KCNH1: variants seen among roughly 807,000 people sequenced by gnomAD.
KCNH1 encodes the protein voltage-gated delayed rectifier potassium channel KCNH1.
Under a neutral mutation model 69.2 loss-of-function variants are expected in KCNH1, and 27 were observed. The observed-to-expected ratio is 0.39, with a 90% CI of 0.29 to 0.54. The LOEUF (loss-of-function observed/expected upper bound fraction) is 0.54, where lower values mean the gene tolerates loss of function less well. Ranked by LOEUF, KCNH1 falls within the 20% of genes least tolerant of loss-of-function variation. KCNH1 has a pLI of 0.68. For missense variants in KCNH1, 798 were observed against 1,261.6 expected (o/e 0.63, Z 5.57); for synonymous variants, 456 against 487.7 (o/e 0.93, Z 0.86).
At chr1:210,880,346 T>A (rs941634412) in intron 7 of KCNH1, among the ~76,000 whole-genome samples, 1 of 152,142 alleles carries the variant, frequency 6.6e-6, no homozygotes, top group Non-Finnish European at 1.5e-5. Context: ...GACTTATTAT[T>A]AAAAGCTACA....
chr1:210,804,173 G>A lies in KCNH1; in HGVS notation c.1463-7C>T. 6.2e-7 allele frequency: 1 copy of A among 1,604,782 alleles called. No homozygotes were observed. On this transcript the variant is annotated splice_polypyrimidine_tract_variant and splice_region_variant and intron_variant, in intron 7 of 10. Coordinates refer to ENST00000271751, the MANE Select transcript of KCNH1 (RefSeq NM_172362.3). ...ATGGTGGCATAGAGAAGTGCTAGAG[G>A]TGAGGAGGAGGAGCAAAAGAAGAAA...
chr1:210,705,038 G>A (rs2149013070), intron 10 of KCNH1, among the ~76,000 whole-genome samples: 2 of 152,290 alleles, frequency 1.3e-5, no homozygotes, highest in South Asian at 4.1e-4. Context: ...AGGAAATGGG[G>A]AGAGGAAGGT....
Position 210,891,507 on chromosome 1 carries a change from T to A in KCNH1, c.1462+28133A>T, listed in dbSNP as rs577925802. ...ATACATATGTAACAAAACTGCACAT[T>A]GTGCACACATACCCTAGAACTTAAA... is the stretch of plus-strand genomic sequence containing the variant. On this transcript the variant is annotated intron_variant, in intron 7 of 10. Transcript: ENST00000271751. Among the ~76,000 whole-genome samples, 340 of 151,760 alleles carry A rather than the reference T, an allele frequency of 2.2e-3. 1 individual carries two copies. The highest frequency in any genetic ancestry group is 7.8e-3 in the African/African-American group (322 of 41,322).
chr1:211,102,564 C>T (rs371694667), intron 3 of KCNH1, among the ~76,000 whole-genome samples: 33 of 152,114 alleles, frequency 2.2e-4, no homozygotes, highest in African/African-American at 6.3e-4. Flanking sequence ...AGACCAGTAT[C>T]GGCACAGACC....
chr1:210,845,352 C>A, intron 7 of KCNH1, among the ~76,000 whole-genome samples: 1 of 152,144 alleles, frequency 6.6e-6, no homozygotes. Flanking sequence ...AAACCAAATC[C>A]AGCAGCACAT....
intron 6 of KCNH1, among the ~76,000 whole-genome samples, chr1:210,940,756 G>C (rs1432914878): frequency 6.6e-6 from 1 of 152,156 alleles, no homozygotes; most frequent in Non-Finnish European, 1.5e-5. Flanking sequence ...AGAGAATCTG[G>C]TTTTATCAAA....
intron 5 of KCNH1, among the ~76,000 whole-genome samples, chr1:211,069,621 C>A (rs1048986904): frequency 6.6e-6 from 1 of 152,056 alleles, no homozygotes; most frequent in Admixed American, 6.5e-5. Context: ...GTAAACTGAA[C>A]ACAGCTGAGG....
chr1:210,739,368 T>A (rs1682962121), intron 10 of KCNH1, among the ~76,000 whole-genome samples: 2 of 152,228 alleles, frequency 1.3e-5, no homozygotes, highest in African/African-American at 4.8e-5. Flanking sequence ...TTGCTCATTG[T>A]CTTAGGACTG....
intron 7 of KCNH1, among the ~76,000 whole-genome samples, chr1:210,811,638 G>A (rs899859902): frequency 2.6e-5 from 4 of 152,164 alleles, no homozygotes; most frequent in African/African-American, 4.8e-5. Context: ...TACAGCAAAA[G>A]CATTATCAAT....
intron 7 of KCNH1, among the ~76,000 whole-genome samples, chr1:210,830,838 TTTGAGAGTGCCATTTAAAAACTCTA>T (rs1434206212): frequency 3.3e-5 from 5 of 152,100 alleles, no homozygotes. Flanking sequence ...TCCCAGGAGG[TTTGAGAGTGCCATTTAAAAACTCTA>T]AAAGACCAAT....
chr1:210,756,371 C>T (rs1683400322), intron 10 of KCNH1, among the ~76,000 whole-genome samples: 1 of 152,138 alleles, frequency 6.6e-6, no homozygotes, highest in Admixed American at 6.5e-5. Context: ...CAAATGTCCT[C>T]CTTTAAAAAT....
intron 7 of KCNH1, among the ~76,000 whole-genome samples, chr1:210,903,207 T>A (rs968205496): frequency 6.6e-6 from 1 of 152,202 alleles, no homozygotes; most frequent in African/African-American, 2.4e-5. Context: ...CACTTCTTCC[T>A]TTGGAAGTCC....
intron 7 of KCNH1, among the ~76,000 whole-genome samples, chr1:210,822,117 A>T (rs943551984): frequency 1.3e-5 from 2 of 151,988 alleles, no homozygotes; most frequent in African/African-American, 4.8e-5. Flanking sequence ...AGACAAAGAG[A>T]TGTGGTATGG....
intron 10 of KCNH1, among the ~76,000 whole-genome samples, chr1:210,757,808 G>A (rs12139273): frequency 0.14 from 20,854 of 152,246 alleles, 1,491 homozygotes; most frequent in Non-Finnish European, 0.16. Context: ...TGAACAAACA[G>A]CAATCATGCA....
chr1:210,832,651 C>G (rs1335995022), intron 7 of KCNH1, among the ~76,000 whole-genome samples: 2 of 152,016 alleles, frequency 1.3e-5, no homozygotes, highest in Non-Finnish European at 1.5e-5. Flanking sequence ...AATAAAACTT[C>G]TAGGTAAACA....
chr1:210,980,114 C>G (rs1337741413), intron 6 of KCNH1, among the ~76,000 whole-genome samples: 1 of 152,098 alleles, frequency 6.6e-6, no homozygotes, highest in Non-Finnish European at 1.5e-5. Context: ...ATTTCATTTA[C>G]CCTTGAAATG....
chr1:211,133,873 A>G lies in KCNH1; in HGVS notation c.73T>C (p.Ser25Pro). ...ATCCGAATGCACCTCTTACCATTGG[A>G]CCGCCGAACAATATTCTCCAGAAAC... is the stretch of plus-strand genomic sequence containing the variant. ...NTFLENIVRR[S>P]NDTNFVLGNA... is the part of the protein sequence containing the mutation. The change falls in exon 1 of 11, where the codon TCC becomes CCC. Residue 25 changes from serine (S) to proline (P), a missense_variant. This residue lies in a region of KCNH1 where 266 missense variants were observed against 457.2 expected (regional missense o/e 0.58). Coordinates refer to ENST00000271751, the MANE Select transcript of KCNH1 (RefSeq NM_172362.3). This position sits in a 1 kb window ranked among gnomAD's most constrained non-coding sequence, Gnocchi z 5.4. 6.2e-7 allele frequency: 1 copy of G among 1,609,808 alleles called. No individual in the cohort carries two copies. Among genetic ancestry groups the G allele is most frequent in the Non-Finnish European group, 8.5e-7 (1 of 1,178,246 alleles).
chr1:210,690,703 A>G (rs1049560847), intron 10 of KCNH1, among the ~76,000 whole-genome samples: 5 of 152,210 alleles, frequency 3.3e-5, no homozygotes, highest in African/African-American at 1.2e-4. Flanking sequence ...TCTCCTCGGT[A>G]TCATGATGAA....
At chr1:210,957,511 G>T (rs6666287) in intron 6 of KCNH1, among the ~76,000 whole-genome samples, 18,727 of 152,012 alleles carry the variant, frequency 0.12, 1,473 homozygotes, top group East Asian at 0.39. Context: ...ATTGACAATG[G>T]GGTGTTAAAA....
Sources: allele counts gnomAD v4.1 joint callset (sites outside exome capture counted in the v4.1 genomes callset), GRCh38; gene constraint gnomAD v4.1.1; regional missense constraint gnomAD v4.1.1; non-coding constraint Gnocchi (gnomAD v3.1); transcripts MANE v1.5; gene names NCBI Gene and HGNC (gene_info 2026-07-23, HGNC 2026-07-21).